The following GOLGA4 variants were observed in gnomAD, a reference collection of about 807,000 sequenced individuals.
GOLGA4 encodes the protein golgin A4, also known as golgin subfamily A member 4.
In GOLGA4, 169 loss-of-function variants were observed where a neutral mutation model predicts 265.9. The ratio of observed to expected loss-of-function variants is 0.64; its 90% CI spans 0.56 to 0.72. The LOEUF is 0.72. Among genes scored for constraint, GOLGA4 ranks in the 30% least tolerant of loss-of-function variants. The pLI, the probability that GOLGA4 is intolerant of heterozygous loss-of-function variation, is 0.00. For missense variants in GOLGA4, 2,482 were observed against 2,483.4 expected (o/e 1.00, Z 0.01); for synonymous variants, 923 against 855.8 (o/e 1.08, Z -1.37).
Position 37,349,226 on chromosome 3 carries a change from A to G in GOLGA4, c.6576+1930A>G, listed in dbSNP as rs561159973. Among the ~76,000 whole-genome samples the G allele has an allele frequency of 7.9e-5, 12 of 152,298 alleles. No homozygotes were observed. In the South Asian group the frequency reaches 2.3e-3, roughly 29 times the overall value. ...ATGGTAGATAGCAAGATGACATTTG[A>G]TACCATCTCTAACTTTAAGGCGTTC... On this transcript the variant is annotated intron_variant, in intron 21 of 23. Transcript: ENST00000361924.
At chr3:37,278,246 C>A (rs554469859) in intron 2 of GOLGA4, among the ~76,000 whole-genome samples, 9 of 150,878 alleles carry the variant, frequency 6.0e-5, no homozygotes, top group African/African-American at 2.2e-4. Context: ...TTTGCCCAGG[C>A]TGGAGCGTAA....
chr3:37,347,641 T>C (rs1457693954), intron 21 of GOLGA4, among the ~76,000 whole-genome samples: 2 of 152,156 alleles, frequency 1.3e-5, no homozygotes, highest in South Asian at 2.1e-4. Flanking sequence ...AAGGAGACTT[T>C]AGGATATTAT....
At chr3:37,332,071 T>C (rs1169154630) in intron 16 of GOLGA4, among the ~76,000 whole-genome samples, 1 of 152,188 alleles carries the variant, frequency 6.6e-6, no homozygotes, top group Non-Finnish European at 1.5e-5. Flanking sequence ...TTCCCTAACA[T>C]AGTCATCTGT....
chr3:37,296,831 A>G (rs2150845639), intron 7 of GOLGA4, among the ~76,000 whole-genome samples: 1 of 152,330 alleles, frequency 6.6e-6, no homozygotes, highest in South Asian at 2.1e-4. Flanking sequence ...TCAGCCTCCC[A>G]AAGTATTGGG....
chr3:37,266,952 C>T (rs1158690728), intron 2 of GOLGA4: 1 of 1,196,076 alleles, frequency 8.4e-7, no homozygotes, highest in Non-Finnish European at 1.1e-6. Context: ...TGAGTCCTTC[C>T]ACCGCTTTCT....
intron 2 of GOLGA4, among the ~76,000 whole-genome samples, chr3:37,270,438 G>A (rs192630446): frequency 7.3e-4 from 111 of 151,984 alleles, no homozygotes; most frequent in African/African-American, 2.3e-3. Flanking sequence ...GGCTGGTCTC[G>A]AACTCCTTAC....
chr3:37,322,292 A>G (rs1271762233), intron 13 of GOLGA4, among the ~76,000 whole-genome samples: 5 of 152,116 alleles, frequency 3.3e-5, no homozygotes, highest in Admixed American at 3.3e-4. Flanking sequence ...ATCACAGTTT[A>G]ATTACACTAG....
chr3:37,281,951 G>A lies in GOLGA4; in HGVS notation c.163-7G>A. 1 of 1,602,168 alleles carries A rather than the reference G, an allele frequency of 6.2e-7. No homozygotes were observed. The highest frequency in any genetic ancestry group is 1.1e-5 in the South Asian group (1 of 90,082). Reference sequence around the variant, plus strand: ...AATCCACACATTCTGTTGGGTTTTGGTTGCAGTCAGGTGACACACAGTCTT... The same window carrying A: ...AATCCACACATTCTGTTGGGTTTTGATTGCAGTCAGGTGACACACAGTCTT... On this transcript the variant is annotated splice_polypyrimidine_tract_variant and splice_region_variant and intron_variant, in intron 2 of 23. Transcript: ENST00000361924.
At chr3:37,305,054 G>A (rs1359192887) in intron 10 of GOLGA4, among the ~76,000 whole-genome samples, 1 of 152,024 alleles carries the variant, frequency 6.6e-6, no homozygotes, top group Non-Finnish European at 1.5e-5. Flanking sequence ...GAGTAGCTGG[G>A]TTTACAGATG....
chr3:37,328,971 C>A lies in GOLGA4; in HGVS notation c.6070C>A (p.Gln2024Lys). 1 of 1,600,168 alleles carries A rather than the reference C, an allele frequency of 6.2e-7. No individual in the cohort carries two copies. Among genetic ancestry groups the A allele is most frequent in the South Asian group, 1.1e-5 (1 of 88,380 alleles). ...MTIKETINKA[Q>K]EVEAELLESH... Reference sequence around the variant, plus strand: ...TCATTTTTATTTATTAGATAAGGCCCAGGAGGTGGAGGCTGAACTTTTAGA... The same window carrying A: ...TCATTTTTATTTATTAGATAAGGCCAAGGAGGTGGAGGCTGAACTTTTAGA... The change falls in exon 16 of 24, where the codon CAG becomes AAG. Residue 2024 changes from glutamine (Q) to lysine (K), a missense_variant. Transcript: ENST00000361924.
chr3:37,343,788 A>G (rs1367754792), intron 20 of GOLGA4, among the ~76,000 whole-genome samples: 3 of 152,226 alleles, frequency 2.0e-5, no homozygotes, highest in African/African-American at 7.2e-5. Context: ...CATGGACAAT[A>G]GTACTTCATA....
Position 37,326,626 on chromosome 3 carries a change from TAAAG to T in GOLGA4, c.4743_4746del (p.Glu1582LeufsTer6). 1 of 1,612,552 alleles carries T rather than the reference TAAAG, an allele frequency of 6.2e-7. No homozygotes were observed. Among genetic ancestry groups the T allele is most frequent in the Non-Finnish European group, 8.5e-7 (1 of 1,179,446 alleles). On this transcript the variant is annotated frameshift_variant, in exon 14 of 24. Coordinates refer to ENST00000361924, the MANE Select transcript of GOLGA4 (RefSeq NM_002078.5). LOFTEE classifies it high-confidence loss of function. ...TAGGAGAAGAAAAGGACAACAGGGTTAAAGAAGCTGAAGAAAAAATCTTAACACT... is the reference window on the plus strand; with the variant it reads ...TAGGAGAAGAAAAGGACAACAGGGTTAAGCTGAAGAAAAAATCTTAACACT...
chr3:37,336,692 A>G (rs1165295864), intron 17 of GOLGA4, among the ~76,000 whole-genome samples: 1 of 151,810 alleles, frequency 6.6e-6, no homozygotes, highest in African/African-American at 2.4e-5. Flanking sequence ...AATCGCTTGA[A>G]CCCGGGAAGG....
At chr3:37,363,883 A>G (rs1247303572) in intron 23 of GOLGA4, among the ~76,000 whole-genome samples, 2 of 152,114 alleles carry the variant, frequency 1.3e-5, no homozygotes, top group African/African-American at 4.8e-5. Flanking sequence ...TTTGTTTTTA[A>G]TGATGCAGCA....
At chr3:37,276,651 T>C in intron 2 of GOLGA4, 1 of 1,474,554 alleles carries the variant, frequency 6.8e-7, no homozygotes, top group Admixed American at 1.9e-5. Context: ...ATTTTGTAAC[T>C]AGCTTTAAAC....
chr3:37,339,792 T>G (rs2097026747), intron 19 of GOLGA4, among the ~76,000 whole-genome samples: 1 of 152,224 alleles, frequency 6.6e-6, no homozygotes, highest in Admixed American at 6.5e-5. Flanking sequence ...TATCAGATAT[T>G]TGATTTGCAA....
At position 37,329,003 on chromosome 3, in the gene GOLGA4, T is replaced by A. The variant is rs772389614; in HGVS notation, c.6102T>A (p.His2034Gln). 3.7e-6 allele frequency: 6 copies of A among 1,610,370 alleles called. No homozygotes were observed. The highest frequency in any genetic ancestry group is 5.1e-6 in the Non-Finnish European group (6 of 1,178,242). The change falls in exon 16 of 24, where the codon CAT becomes CAA. Residue 2034 changes from histidine (H) to glutamine (Q), a missense_variant. Coordinates refer to ENST00000361924, the MANE Select transcript of GOLGA4 (RefSeq NM_002078.5). Reference protein sequence around the residue: ...QEVEAELLESHQEETNQLLKK... With the variant: ...QEVEAELLESQQEETNQLLKK... ...TGGAGGCTGAACTTTTAGAAAGCCA[T>A]CAAGAAGAGACAAATCAGTTACTTA...
Position 37,323,705 on chromosome 3 carries a change from G to C in GOLGA4, c.1819G>C (p.Val607Leu), listed in dbSNP as rs200223051. 14 of 1,613,776 alleles carry C rather than the reference G, an allele frequency of 8.7e-6. No homozygotes were observed. The highest frequency in any genetic ancestry group is 1.2e-5 in the Non-Finnish European group (14 of 1,179,932). The change falls in exon 14 of 24, where the codon GTC (valine) becomes CTC (leucine). Residue 607 changes from valine to leucine, a missense_variant. By Grantham distance (32) the Val-to-Leu change is conservative. Around this residue, in one of 3 missense-constraint regions of GOLGA4, gnomAD observed 1,536 missense variants for 1,483.7 expected, o/e 1.04. Transcript: ENST00000361924. ...EKNKHNKEIT[V>L]MVEKHKTELE... ...AAATAAGCACAATAAGGAGATTACA[G>C]TCATGGTTGAAAAACACAAGACAGA...
chr3:37,263,076 C>T (rs2096774290), intron 2 of GOLGA4, among the ~76,000 whole-genome samples: 1 of 152,128 alleles, frequency 6.6e-6, no homozygotes, highest in African/African-American at 2.4e-5. Flanking sequence ...AAATGAGTGC[C>T]CTATAGAGTT....
Sources: allele counts gnomAD v4.1 joint callset (sites outside exome capture counted in the v4.1 genomes callset), GRCh38; gene constraint gnomAD v4.1.1; regional missense constraint gnomAD v4.1.1; transcripts MANE v1.5; gene names NCBI Gene and HGNC (gene_info 2026-07-23, HGNC 2026-07-21).